Variants in GNG7 observed in about 807,000 individuals in gnomAD.
GNG7 encodes guanine nucleotide-binding protein G(I)/G(S)/G(O) subunit gamma-7.
In GNG7, 1 loss-of-function variant was observed where a neutral mutation model predicts 4.0. The observed-to-expected ratio is 0.25, with a 90% confidence interval of 0.09 to 1.18. GNG7 has a LOEUF of 1.18. Among genes scored for constraint, GNG7 ranks in the 50% most tolerant of loss-of-function variants. GNG7 has a pLI of 0.50. For synonymous variants in GNG7, 34 were observed against 36.9 expected, an observed-to-expected ratio of 0.92 and a Z score of 0.29; for missense variants, 86 against 91.9, an observed-to-expected ratio of 0.94 and a Z score of 0.26.
chr19:2,614,061 AG>A lies in GNG7; in HGVS notation c.-78+32162del, dbSNP rs1363807115. 2.6e-5 allele frequency among the ~76,000 whole-genome samples: 4 copies of A among 152,196 alleles called. No homozygotes were observed. Among genetic ancestry groups the A allele is most frequent in the Non-Finnish European group, 5.9e-5 (4 of 68,022 alleles). On this transcript the variant is annotated intron_variant, in intron 2 of 4. Transcript: ENST00000382159. This position sits in a 1 kb window ranked among gnomAD's most constrained non-coding sequence, Gnocchi z 6.0. Reference sequence around the variant, plus strand: ...GGCCCCGCGCCTACCCCCGGGGTAAAGGGGGCCAGCCTCGCACAGGTGGGTC... The same window carrying A: ...GGCCCCGCGCCTACCCCCGGGGTAAAGGGGCCAGCCTCGCACAGGTGGGTC...
At chr19:2,572,012 G>GTTGTT (rs575653762) in intron 2 of GNG7, among the ~76,000 whole-genome samples, 64 of 152,024 alleles carry the variant, frequency 4.2e-4, no homozygotes, top group East Asian at 9.7e-4. Context: ...TTGTGTTTTT[G>GTTGTT]TTGTTTTGTT....
intron 2 of GNG7, among the ~76,000 whole-genome samples, chr19:2,566,571 A>T (rs866753036): frequency 2.0e-5 from 3 of 152,306 alleles, no homozygotes; most frequent in Middle Eastern, 6.8e-3. Flanking sequence ...GGGCCACAGC[A>T]ATGGTCGGGG....
intron 1 of GNG7, among the ~76,000 whole-genome samples, chr19:2,680,996 G>C (rs1173595237): frequency 6.6e-6 from 1 of 152,056 alleles, no homozygotes; most frequent in Non-Finnish European, 1.5e-5. Context: ...TGGGCGTGAA[G>C]TGGTATCTCA....
chr19:2,625,400 A>G (rs576828556), intron 2 of GNG7, among the ~76,000 whole-genome samples: 1 of 152,178 alleles, frequency 6.6e-6, no homozygotes, highest in African/African-American at 2.4e-5. Context: ...TTTTGCAGAA[A>G]TAGAGGGGGG....
intron 1 of GNG7, among the ~76,000 whole-genome samples, chr19:2,689,865 G>T (rs1568285868): frequency 6.6e-6 from 1 of 152,092 alleles, no homozygotes; most frequent in African/African-American, 2.4e-5. Flanking sequence ...CAGATACCCA[G>T]TGTTTTCAGC....
intron 1 of GNG7, among the ~76,000 whole-genome samples, chr19:2,673,463 C>G (rs1017688576): frequency 7.9e-5 from 12 of 151,518 alleles, no homozygotes; most frequent in Admixed American, 2.6e-4. Context: ...GAGGCCGAGG[C>G]GGGCGGCTCA....
At chr19:2,662,583 T>C (rs1182123556) in intron 1 of GNG7, among the ~76,000 whole-genome samples, 2 of 152,116 alleles carry the variant, frequency 1.3e-5, no homozygotes, top group African/African-American at 4.8e-5. Context: ...ATAAAGCATA[T>C]TACAAAGAAT....
rs1464912074 is a variant in GNG7, at chr19:2,557,610, C to T, written c.-77-2422G>A. Reference sequence around the variant, plus strand: ...AAAGACGGGAAGTTAGACTTCTGACCCATCACAAACTCTGAGTCAAAGTGC... The same window carrying T: ...AAAGACGGGAAGTTAGACTTCTGACTCATCACAAACTCTGAGTCAAAGTGC... On this transcript the variant is annotated intron_variant, in intron 2 of 4. Coordinates refer to ENST00000382159, the MANE Select transcript of GNG7 (RefSeq NM_052847.3). This position sits in a 1 kb window ranked among gnomAD's most constrained non-coding sequence, Gnocchi z 5.1. 1.2e-5 allele frequency among the ~76,000 whole-genome samples: 1 copy of T among 82,268 alleles called. No homozygotes were observed. Among genetic ancestry groups the T allele is most frequent in the Non-Finnish European group, 2.4e-5 (1 of 42,544 alleles). The allele number at this position is 82,268 out of a possible 152,430, so 54.0% of individuals were successfully genotyped here.
At chr19:2,623,213 T>C (rs992551825) in intron 2 of GNG7, among the ~76,000 whole-genome samples, 2 of 151,886 alleles carry the variant, frequency 1.3e-5, no homozygotes, top group Non-Finnish European at 2.9e-5. Flanking sequence ...CCAGCTACTT[T>C]GGAGGCTGAG....
intron 2 of GNG7, among the ~76,000 whole-genome samples, chr19:2,583,831 C>G (rs1980568201): frequency 6.6e-6 from 1 of 151,990 alleles, no homozygotes; most frequent in African/African-American, 2.4e-5. Flanking sequence ...ACTTAACATT[C>G]ACTAAAAAGG....
intron 3 of GNG7, among the ~76,000 whole-genome samples, chr19:2,540,697 C>A (rs937277587): frequency 6.6e-6 from 1 of 152,152 alleles, no homozygotes; most frequent in Non-Finnish European, 1.5e-5. Flanking sequence ...GAGCAGACAG[C>A]GAGGCCCGCC....
In GNG7 at chr19:2,642,800, G is replaced by A. The variant is rs576252866; in HGVS notation, c.-78+3424C>T. ...TGAGCCATGGCGCCCGGCCAGAACT[G>A]AATGTTTGAAGAAGCCCAACACCAA... On this transcript the variant is annotated intron_variant, in intron 2 of 4. Transcript: ENST00000382159. The A allele has an allele frequency of 3.5e-5, 16 of 456,772 alleles. No homozygotes were observed. The East Asian group carries it at 1.1e-3, about 32-fold the overall frequency. The allele number at this position is 456,772 out of a possible 1,614,324, so 28.3% of individuals were successfully genotyped here.
intron 1 of GNG7, among the ~76,000 whole-genome samples, chr19:2,697,786 T>TC (rs150074058): frequency 0.015 from 1,850 of 124,796 alleles, 14 homozygotes; most frequent in Middle Eastern, 0.023. Context: ...GAGGGCCCCG[T>TC]CCCCCCCCCC....
At chr19:2,605,891 C>A (rs1417612660) in intron 2 of GNG7, among the ~76,000 whole-genome samples, 2 of 152,268 alleles carry the variant, frequency 1.3e-5, no homozygotes, top group East Asian at 3.9e-4. Flanking sequence ...GTCTGAAGAT[C>A]CTTCATGTGA....
chr19:2,696,196 G>T, intron 1 of GNG7, among the ~76,000 whole-genome samples: 1 of 121,424 alleles, frequency 8.2e-6, no homozygotes, highest in South Asian at 2.5e-4. Flanking sequence ...GAGAGAGAGG[G>T]GAGAGAGGGG....
intron 1 of GNG7, among the ~76,000 whole-genome samples, chr19:2,646,684 C>CA (rs71964998): frequency 0.28 from 40,589 of 143,758 alleles, 5,577 homozygotes; most frequent in East Asian, 0.51. Flanking sequence ...GACTCTGCTT[C>CA]AAAAAAAAAA....
At chr19:2,667,712 C>T (rs1983345675) in intron 1 of GNG7, among the ~76,000 whole-genome samples, 1 of 152,098 alleles carries the variant, frequency 6.6e-6, no homozygotes, top group Non-Finnish European at 1.5e-5. Context: ...GTCAGGAGTT[C>T]AAGACCAGCC....
At chr19:2,577,453 C>T (rs1407421364) in intron 2 of GNG7, among the ~76,000 whole-genome samples, 1 of 152,164 alleles carries the variant, frequency 6.6e-6, no homozygotes, top group Non-Finnish European at 1.5e-5. Context: ...TCCTAGCTAT[C>T]AGACCCTCCT....
intron 2 of GNG7, among the ~76,000 whole-genome samples, chr19:2,576,186 C>T (rs1980333155): frequency 6.6e-6 from 1 of 152,290 alleles, no homozygotes; most frequent in Non-Finnish European, 1.5e-5. Flanking sequence ...GTGAGGCTGG[C>T]AGGCTCCAAG....
Sources: allele counts gnomAD v4.1 joint callset (sites outside exome capture counted in the v4.1 genomes callset), GRCh38; gene constraint gnomAD v4.1.1; non-coding constraint Gnocchi (gnomAD v3.1); transcripts MANE v1.5; gene names NCBI Gene and HGNC (gene_info 2026-07-23, HGNC 2026-07-21).